DIAPH3: variants seen among roughly 807,000 people sequenced by gnomAD.
DIAPH3 encodes the protein diaphanous related formin 3.
In DIAPH3, 117 loss-of-function variants were observed where a neutral mutation model predicts 144.3. The ratio of observed to expected loss-of-function variants is 0.81; its 90% confidence interval spans 0.70 to 0.95. The LOEUF is 0.95. Ranked by LOEUF, DIAPH3 falls within the 40% of genes least tolerant of loss-of-function variation. The pLI is 0.00. For synonymous variants in DIAPH3, 519 were observed against 488.9 expected (o/e 1.06, Z -0.81); for missense variants, 1,421 against 1,412.7 (o/e 1.01, Z -0.09).
chr13:59,903,579 G>T (rs370832952), intron 20 of DIAPH3, among the ~76,000 whole-genome samples: 1 of 150,688 alleles, frequency 6.6e-6, no homozygotes, highest in East Asian at 1.9e-4. Context: ...AAGTTAAATG[G>T]CAAGATCACT....
chr13:59,833,593 T>A (rs974067565), intron 23 of DIAPH3, among the ~76,000 whole-genome samples: 6 of 151,818 alleles, frequency 4.0e-5, no homozygotes, highest in Non-Finnish European at 2.9e-5. Flanking sequence ...TTTAAAATTA[T>A]AGTTCAGTAG....
chr13:59,813,140 C>CT (rs902582551), intron 24 of DIAPH3, among the ~76,000 whole-genome samples: 2 of 149,068 alleles, frequency 1.3e-5, no homozygotes, highest in African/African-American at 2.5e-5. Flanking sequence ...GCGCAGAAAC[C>CT]TAAAAAAAAA....
At chr13:60,109,672 C>T (rs766125363) in intron 3 of DIAPH3, among the ~76,000 whole-genome samples, 4 of 152,064 alleles carry the variant, frequency 2.6e-5, no homozygotes, top group Non-Finnish European at 4.4e-5. Context: ...GACTTTTAAC[C>T]AGGATCAGAA....
chr13:60,157,874 C>T (rs372470052), intron 1 of DIAPH3, among the ~76,000 whole-genome samples: 1 of 152,140 alleles, frequency 6.6e-6, no homozygotes. Context: ...CTGTCCCATA[C>T]ATGTAGGGTT....
intron 4 of DIAPH3, among the ~76,000 whole-genome samples, chr13:60,067,684 G>A (rs1417590634): frequency 2.0e-5 from 3 of 152,058 alleles, no homozygotes; most frequent in Admixed American, 1.3e-4. Flanking sequence ...TAATTCCTGA[G>A]AGTAACCAAA....
At chr13:59,759,656 G>A (rs992959748) in intron 27 of DIAPH3, among the ~76,000 whole-genome samples, 1 of 152,168 alleles carries the variant, frequency 6.6e-6, no homozygotes, top group African/African-American at 2.4e-5. Context: ...AGCAAACAGA[G>A]ACACCAGTGT....
chr13:59,981,153 A>G (rs1345849964), intron 13 of DIAPH3, among the ~76,000 whole-genome samples: 1 of 151,380 alleles, frequency 6.6e-6, no homozygotes, highest in South Asian at 2.1e-4. Flanking sequence ...CAACTCGTAC[A>G]TATTTTAAAG....
At chr13:59,846,356 T>C (rs1305641214) in intron 22 of DIAPH3, among the ~76,000 whole-genome samples, 1 of 152,158 alleles carries the variant, frequency 6.6e-6, no homozygotes, top group African/African-American at 2.4e-5. Context: ...GGGAAATTGA[T>C]TTCTTTAAGG....
intron 27 of DIAPH3, among the ~76,000 whole-genome samples, chr13:59,740,077 C>A (rs1297099439): frequency 6.6e-6 from 1 of 152,038 alleles, no homozygotes; most frequent in Non-Finnish European, 1.5e-5. Context: ...TACTTACATG[C>A]CAATAATGAA....
chr13:59,709,608 A>C (rs1208597434), intron 27 of DIAPH3, among the ~76,000 whole-genome samples: 2 of 152,208 alleles, frequency 1.3e-5, no homozygotes, highest in African/African-American at 4.8e-5. Flanking sequence ...GGTGCTGGAG[A>C]GGATGTGGAG....
At chr13:59,763,841 T>A (rs7989247) in intron 27 of DIAPH3, among the ~76,000 whole-genome samples, 51,924 of 151,922 alleles carry the variant, frequency 0.34, 9,353 homozygotes, top group African/African-American at 0.44. Flanking sequence ...AGCTAATGAA[T>A]CTGTGGCCCA....
chr13:59,764,598 G>A (rs1022204039), intron 27 of DIAPH3, among the ~76,000 whole-genome samples: 1 of 148,812 alleles, frequency 6.7e-6, no homozygotes, highest in African/African-American at 2.5e-5. Context: ...TACTAGATTA[G>A]GTTGAGTCCT....
At chr13:59,902,248 G>T (rs1390670587) in intron 20 of DIAPH3, among the ~76,000 whole-genome samples, 3 of 152,128 alleles carry the variant, frequency 2.0e-5, no homozygotes, top group Non-Finnish European at 4.4e-5. Context: ...CTGGATCATG[G>T]GGGTGGATTT....
chr13:60,154,052 T>C (rs1245487514), intron 1 of DIAPH3, among the ~76,000 whole-genome samples: 1 of 152,120 alleles, frequency 6.6e-6, no homozygotes, highest in African/African-American at 2.4e-5. Context: ...TATGCCAGGA[T>C]AAGAACTAAG....
At chr13:59,861,717 T>C (rs2043601865) in intron 21 of DIAPH3, among the ~76,000 whole-genome samples, 181 bp from the exon 22 acceptor site, 1 of 152,200 alleles carries the variant, frequency 6.6e-6, no homozygotes, top group African/African-American at 2.4e-5. Flanking sequence ...TGCTGCTTGG[T>C]GAAAATCATT....
chr13:59,901,425 T>A (rs1021193654), intron 20 of DIAPH3, among the ~76,000 whole-genome samples: 1 of 152,166 alleles, frequency 6.6e-6, no homozygotes, highest in African/African-American at 2.4e-5. Flanking sequence ...CACCTCTAAC[T>A]AAAGTCACTC....
In DIAPH3 at chr13:59,916,993, A is replaced by G. The variant is rs555598610; in HGVS notation, c.2171-744T>C. ...GGATATTTTCACAGCAACAGATACAACGCTTTTGCTAGTTCAACCCTTATT... is the reference window on the plus strand; with the variant it reads ...GGATATTTTCACAGCAACAGATACAGCGCTTTTGCTAGTTCAACCCTTATT... On this transcript the variant is annotated intron_variant, in intron 18 of 27. Transcript: ENST00000400324. 3.3e-5 allele frequency among the ~76,000 whole-genome samples: 5 copies of G among 152,330 alleles called. No homozygotes were observed. In the East Asian group the frequency reaches 9.6e-4, roughly 29 times the overall value.
chr13:59,822,029 G>T (rs1432414306), intron 24 of DIAPH3, among the ~76,000 whole-genome samples: 2 of 152,098 alleles, frequency 1.3e-5, no homozygotes, highest in Non-Finnish European at 1.5e-5. Flanking sequence ...ACCCATCAGG[G>T]ATGTAACATT....
At chr13:60,036,423 T>G (rs531031197) in intron 5 of DIAPH3, among the ~76,000 whole-genome samples, 5 of 150,764 alleles carry the variant, frequency 3.3e-5, no homozygotes, top group African/African-American at 7.3e-5. Context: ...TGTTGTTGTG[T>G]TTTTTTTTCA....
Sources: allele counts gnomAD v4.1 joint callset (sites outside exome capture counted in the v4.1 genomes callset), GRCh38; gene constraint gnomAD v4.1.1; transcripts MANE v1.5; gene names NCBI Gene and HGNC (gene_info 2026-07-23, HGNC 2026-07-21).